The following EXOC5 variants were observed in gnomAD, a reference collection of about 807,000 sequenced individuals.
The protein encoded by EXOC5 is SEC10-like 1.
A neutral mutation model predicts 90.8 loss-of-function variants in EXOC5; 17 were observed. The observed-to-expected ratio is 0.19, with a 90% confidence interval of 0.13 to 0.28. The LOEUF (loss-of-function observed/expected upper bound fraction) is 0.28. EXOC5 is among the 10% of genes least tolerant of loss of function. The probability of loss-of-function intolerance (pLI) is 1.00; values close to 1 mark genes in which losing one functional copy is unlikely to be tolerated. For synonymous variants in EXOC5, 260 were observed against 270.0 expected (o/e 0.96, Z 0.36); for missense variants, 569 against 830.6 (o/e 0.69, Z 3.87).
chr14:57,259,810 T>C (rs1017316310), intron 1 of EXOC5, among the ~76,000 whole-genome samples: 61 of 152,358 alleles, frequency 4.0e-4, no homozygotes, highest in African/African-American at 1.4e-3. Context: ...CATACTTAAA[T>C]TGAAAGCAAG....
intron 2 of EXOC5, 97 bp downstream of exon 2, chr14:57,247,521 G>A (rs1196229673): frequency 7.8e-6 from 4 of 510,146 alleles, no homozygotes; most frequent in Non-Finnish European, 1.4e-5. Flanking sequence ...TAAAATCCTT[G>A]TAGAGGAATG....
At chr14:57,232,962 CTT>C in intron 9 of EXOC5, 2 of 414,424 alleles carry the variant, frequency 4.8e-6, no homozygotes, top group South Asian at 7.8e-5. Flanking sequence ...TGTAGAGGAT[CTT>C]TATCAGTCTT....
chr14:57,241,674 G>A (rs563321258), intron 4 of EXOC5, among the ~76,000 whole-genome samples: 4 of 152,268 alleles, frequency 2.6e-5, no homozygotes, highest in African/African-American at 9.6e-5. Context: ...CATTTAGTCA[G>A]TTAAAACATA....
chr14:57,210,448 T>C (rs564639087), intron 15 of EXOC5, among the ~76,000 whole-genome samples: 2 of 152,264 alleles, frequency 1.3e-5, no homozygotes, highest in African/African-American at 4.8e-5. Context: ...TTTTTCAGAT[T>C]TTGGAATATT....
chr14:57,205,372 T>C lies in EXOC5; in HGVS notation c.*3237A>G, dbSNP rs1224681878. 6.5e-6 allele frequency: 1 copy of C among 154,046 alleles called. No individual in the cohort carries two copies. The highest frequency in any genetic ancestry group is 2.4e-5 in the African/African-American group (1 of 41,454). 9.5% of individuals were successfully genotyped at this position (154,046 alleles called of 1,614,324 possible). ...GAATGAAAGCACAAAATGCTTTGTA[T>C]GTAAAATTCAACAATATATGGGTAA... On this transcript the variant is annotated 3_prime_UTR_variant, in exon 18 of 18. Transcript: ENST00000621441.
chr14:57,225,190 T>A (rs1883268052), intron 12 of EXOC5, among the ~76,000 whole-genome samples: 1 of 152,180 alleles, frequency 6.6e-6, no homozygotes, highest in African/African-American at 2.4e-5. Flanking sequence ...CAACTGGAGT[T>A]TATCAAAGAA....
chr14:57,241,509 A>G (rs1278753076), intron 4 of EXOC5, among the ~76,000 whole-genome samples: 2 of 152,192 alleles, frequency 1.3e-5, no homozygotes, highest in Non-Finnish European at 2.9e-5. Context: ...TTGTTCTTTT[A>G]AGAAGTCATC....
At chr14:57,258,269 T>C (rs1253172257) in intron 1 of EXOC5, among the ~76,000 whole-genome samples, 1 of 152,160 alleles carries the variant, frequency 6.6e-6, no homozygotes, top group Non-Finnish European at 1.5e-5. Flanking sequence ...GCAGCACTAT[T>C]CATAATAGCA....
intron 3 of EXOC5, among the ~76,000 whole-genome samples, chr14:57,244,963 T>G (rs1883992501): frequency 6.9e-6 from 1 of 145,646 alleles, no homozygotes; most frequent in Non-Finnish European, 1.5e-5. Context: ...ACCACTGCAG[T>G]CCAGCCTAGG....
In EXOC5 at chr14:57,201,533, CCACA is replaced by C; in HGVS notation, c.*7072_*7075del. 1 of 134,080 alleles carries C rather than the reference CCACA, an allele frequency of 7.5e-6. No individual in the cohort carries two copies. The highest frequency in any genetic ancestry group is 2.2e-4 in the South Asian group (1 of 4,566). 8.3% of individuals were successfully genotyped at this position (134,080 alleles called of 1,614,324 possible). On this transcript the variant is annotated 3_prime_UTR_variant, in exon 18 of 18. Coordinates refer to ENST00000621441, the MANE Select transcript of EXOC5 (RefSeq NM_006544.4). ...ACATATGTATATATATACACACACA[CCACA>C]CATATACATATATTTTTATATATAT...
chr14:57,201,401 CAA>C lies in EXOC5; in HGVS notation c.*7206_*7207del, dbSNP rs1242395434. 1.4e-5 allele frequency: 2 copies of C among 147,426 alleles called. No homozygotes were observed. The highest frequency in any genetic ancestry group is 5.2e-5 in the African/African-American group (2 of 38,658). The allele number at this position is 147,426 out of a possible 1,614,324, so 9.1% of individuals were successfully genotyped here. ...GAAAACTATGAATACATAGTGATAT[CAA>C]GAGAATTCTGATTAGTATATATATA... On this transcript the variant is annotated 3_prime_UTR_variant, in exon 18 of 18. Transcript: ENST00000621441.
At chr14:57,213,483 C>A (rs1882884991) in intron 15 of EXOC5, among the ~76,000 whole-genome samples, 1 of 151,778 alleles carries the variant, frequency 6.6e-6, no homozygotes. Context: ...TCTTGGCTCA[C>A]TGCAACCTCT....
intron 6 of EXOC5, among the ~76,000 whole-genome samples, chr14:57,236,042 T>G (rs372663372): frequency 1.3e-5 from 2 of 152,288 alleles, no homozygotes; most frequent in East Asian, 3.9e-4. Context: ...GCAAAATTAC[T>G]GAGCTTTCCA....
In EXOC5 at chr14:57,268,808, A is replaced by C; in HGVS notation, c.-160T>G. ...CCACAGATCCCAGGAGGGGCGGGAG[A>C]GCGGCCATGAAGCGAAGCCGCAAAC... On this transcript the variant is annotated 5_prime_UTR_variant, in exon 1 of 18. Coordinates refer to ENST00000621441, the MANE Select transcript of EXOC5 (RefSeq NM_006544.4). 7.2e-7 allele frequency: 1 copy of C among 1,397,672 alleles called. No individual in the cohort carries two copies. Among genetic ancestry groups the C allele is most frequent in the Non-Finnish European group, 9.2e-7 (1 of 1,082,756 alleles). The allele number at this position is 1,397,672 out of a possible 1,614,324, so 86.6% of individuals were successfully genotyped here. A position where few individuals can be genotyped will look rare whatever the true frequency, so the allele number is the denominator to read the frequency against.
At position 57,268,735 on chromosome 14, in the gene EXOC5, C is replaced by A; in HGVS notation, c.-87G>T. On this transcript the variant is annotated 5_prime_UTR_variant, in exon 1 of 18. Transcript: ENST00000621441. ...CAGAGGCGCGGCGCACAGGTCTCCG[C>A]TCGGCTCGCCAGCTCCGGCTCCGGG... The A allele has an allele frequency of 2.0e-6, 3 of 1,501,502 alleles. No individual in the cohort carries two copies. The South Asian group carries it at 3.7e-5, about 19-fold the overall frequency. 93.0% of individuals were successfully genotyped at this position (1,501,502 alleles called of 1,614,324 possible).
At chr14:57,210,840 C>T (rs1251470718) in intron 15 of EXOC5, among the ~76,000 whole-genome samples, 4 of 152,146 alleles carry the variant, frequency 2.6e-5, no homozygotes, top group African/African-American at 4.8e-5. Flanking sequence ...ACCACAATAC[C>T]TGTTTGCCTG....
chr14:57,235,012 T>C (rs2139640305), intron 7 of EXOC5, among the ~76,000 whole-genome samples: 1 of 152,288 alleles, frequency 6.6e-6, no homozygotes, highest in South Asian at 2.1e-4. Flanking sequence ...ATGAGATTTT[T>C]GCCTATTAAT....
rs915915687 is a variant in EXOC5 at position 57,268,852 on chromosome 14, G to A, written c.-204C>T. Reference sequence around the variant, plus strand: ...CGCAAACGCTTGTCAGCTGCCTCCCGGCGCCGCCCGCGCTGCTCCCATTGT... The same window carrying A: ...CGCAAACGCTTGTCAGCTGCCTCCCAGCGCCGCCCGCGCTGCTCCCATTGT... On this transcript the variant is annotated 5_prime_UTR_variant, in exon 1 of 18. Coordinates refer to ENST00000621441, the MANE Select transcript of EXOC5 (RefSeq NM_006544.4). 3.6e-5 allele frequency: 45 copies of A among 1,265,616 alleles called. No homozygotes were observed. The highest frequency in any genetic ancestry group is 1.4e-4 in the African/African-American group (9 of 62,784). The allele number at this position is 1,265,616 out of a possible 1,614,324, so 78.4% of individuals were successfully genotyped here. A position where few individuals can be genotyped will look rare whatever the true frequency, so the allele number is the denominator to read the frequency against.
chr14:57,262,007 A>G (rs1884517284), intron 1 of EXOC5, among the ~76,000 whole-genome samples: 1 of 152,154 alleles, frequency 6.6e-6, no homozygotes, highest in African/African-American at 2.4e-5. Flanking sequence ...ATCCTGAAAA[A>G]TACAACCTTC....
Sources: gnomAD v4.1 joint callset for allele counts (sites outside exome capture counted in the v4.1 genomes callset) on GRCh38, gnomAD v4.1.1 for gene constraint, MANE v1.5 for transcripts, NCBI Gene and HGNC (gene_info 2026-07-23, HGNC 2026-07-21) for gene names.